EMSY: variants seen among roughly 807,000 people sequenced by gnomAD.
EMSY encodes EMSY transcriptional repressor, BRCA2 interacting.
In EMSY, 26 loss-of-function variants were observed where a neutral mutation model predicts 134.6. The ratio of observed to expected loss-of-function variants is 0.19; its 90% confidence interval spans 0.14 to 0.27. EMSY has a LOEUF of 0.27. EMSY is among the 10% of genes least tolerant of loss of function. The pLI is 1.00. For synonymous variants in EMSY, 579 were observed against 577.8 expected (o/e 1.00, Z -0.03); for missense variants, 1,305 against 1,611.4 (o/e 0.81, Z 3.26).
At chr11:76,508,749 A>C (rs1016124974) in intron 9 of EMSY, among the ~76,000 whole-genome samples, 4 of 152,256 alleles carry the variant, frequency 2.6e-5, no homozygotes, top group Non-Finnish European at 4.4e-5. Context: ...CTTCTCCGTC[A>C]GCACTTGCTG....
intron 14 of EMSY, among the ~76,000 whole-genome samples, chr11:76,532,810 C>T (rs370432496): frequency 1.3e-5 from 2 of 152,150 alleles, no homozygotes; most frequent in African/African-American, 4.8e-5. Context: ...TAAGTCATAA[C>T]TCAGTTTCTA....
intron 20 of EMSY, among the ~76,000 whole-genome samples, chr11:76,547,570 T>C (rs1178202795): frequency 6.6e-6 from 1 of 152,192 alleles, no homozygotes; most frequent in Non-Finnish European, 1.5e-5. Flanking sequence ...TTCTCATCAG[T>C]AAAATGGGAA....
chr11:76,472,830 A>T, exon 8 of EMSY: 1 of 1,613,862 alleles, frequency 6.2e-7, no homozygotes, highest in Non-Finnish European at 8.5e-7. Context: ...TCATGTCAAC[A>T]GTAGCACAAG....
At chr11:76,529,622 A>G (rs1369676037) in intron 14 of EMSY, among the ~76,000 whole-genome samples, 1 of 152,110 alleles carries the variant, frequency 6.6e-6, no homozygotes, top group Non-Finnish European at 1.5e-5. Flanking sequence ...TATTAGTAGC[A>G]AACAAAAAAA....
intron 11 of EMSY, among the ~76,000 whole-genome samples, chr11:76,520,843 T>C (rs1950615678): frequency 6.6e-6 from 1 of 152,126 alleles, no homozygotes; most frequent in Admixed American, 6.5e-5. Flanking sequence ...CAGTGGAAAA[T>C]AATAAAATTG....
intron 9 of EMSY, among the ~76,000 whole-genome samples, chr11:76,499,275 CTTTTTTTTTTTTT>C (rs777778051): frequency 6.6e-4 from 46 of 69,978 alleles, no homozygotes; most frequent in Admixed American, 2.9e-3. Flanking sequence ...AATCTTATAA[CTTTTTTTTTTTTT>C]TTTTTTTTTT....
chr11:76,539,462 A>G, intron 16 of EMSY, 137 bp from the exon 18 acceptor site: 2 of 795,686 alleles, frequency 2.5e-6, no homozygotes, highest in Non-Finnish European at 4.1e-6. Flanking sequence ...ATCTTTCTTT[A>G]GAGATATTTA....
At position 76,530,604 on chromosome 11, in the gene EMSY, G is replaced by A. The variant is rs1295639898; in HGVS notation, c.2194+2138G>A. Among the ~76,000 whole-genome samples, 25 of 152,120 alleles carry A rather than the reference G, an allele frequency of 1.6e-4. 1 individual carries two copies. The highest frequency in any genetic ancestry group is 1.6e-3 in the Admixed American group (25 of 15,270). The stretch of plus-strand genomic sequence containing the variant: ...GCACCAACCTAATACATCTTTCATT[G>A]TATATTACTTTTTAAAATATTCTAT... On this transcript the variant is annotated intron_variant, in intron 14 of 20. Transcript: ENST00000334736.
chr11:76,455,064 A>G (rs1465793309), intron 4 of EMSY, among the ~76,000 whole-genome samples: 1 of 152,076 alleles, frequency 6.6e-6, no homozygotes, highest in Non-Finnish European at 1.5e-5. Flanking sequence ...GGTTTGGTGG[A>G]AGAATTTACA....
chr11:76,466,365 G>A (rs1220664990), intron 7 of EMSY, among the ~76,000 whole-genome samples: 1 of 151,984 alleles, frequency 6.6e-6, no homozygotes, highest in Non-Finnish European at 1.5e-5. Context: ...TACTGCCTTA[G>A]GTTTTTACAC....
chr11:76,516,390 T>C, intron 11 of EMSY, 78 bp downstream of exon 12: 2 of 1,074,748 alleles, frequency 1.9e-6, no homozygotes, highest in Non-Finnish European at 2.6e-6. Context: ...CATTGAAGGA[T>C]TATATTTGAT....
intron 9 of EMSY, among the ~76,000 whole-genome samples, chr11:76,509,121 C>T (rs1398402101): frequency 6.6e-6 from 1 of 151,976 alleles, no homozygotes. Context: ...TAAAAAAAAA[C>T]TTTGAATTAT....
At chr11:76,470,909 T>C (rs1014975816) in intron 7 of EMSY, among the ~76,000 whole-genome samples, 1 of 152,106 alleles carries the variant, frequency 6.6e-6, no homozygotes, top group Non-Finnish European at 1.5e-5. Context: ...TTCATACTAT[T>C]CTCTCTGTCT....
At chr11:76,489,658 A>G (rs1429641645) in intron 8 of EMSY, among the ~76,000 whole-genome samples, 1 of 147,680 alleles carries the variant, frequency 6.8e-6, no homozygotes, top group East Asian at 2.0e-4. Flanking sequence ...AGGCTGGAGT[A>G]CAGTGGCGTG....
chr11:76,545,708 T>A, intron 19 of EMSY, 89 bp from the exon 21 acceptor site: 1 of 1,427,642 alleles, frequency 7.0e-7, no homozygotes, highest in Non-Finnish European at 9.5e-7. Flanking sequence ...AGCGCACGAA[T>A]GTTTCTTTTG....
Position 76,452,015 on chromosome 11 carries a change from A to C in EMSY, c.170+58A>C, listed in dbSNP as rs1198515846. The C allele has an allele frequency of 3.7e-6, 4 of 1,093,806 alleles. No individual in the cohort carries two copies. In the African/African-American group the frequency reaches 6.5e-5, roughly 18 times the overall value. The allele number at this position is 1,093,806 out of a possible 1,614,324, so 67.8% of individuals were successfully genotyped here. A position where few individuals can be genotyped will look rare whatever the true frequency, so the allele number is the denominator to read the frequency against. ...AAATTTCATTTTGGGGGATTTTATT[A>C]CTTATCACTCTCAAATTAAGTAACT... is the stretch of plus-strand genomic sequence containing the variant. On this transcript the variant is annotated intron_variant, in intron 3 of 20. Coordinates refer to ENST00000334736, the Ensembl canonical transcript of EMSY.
At chr11:76,518,703 AT>A (rs67729914) in intron 11 of EMSY, among the ~76,000 whole-genome samples, 5,253 of 130,136 alleles carry the variant, frequency 0.04, 202 homozygotes, top group East Asian at 0.09. Context: ...ATATATATAT[AT>A]TTTTTTTTTA....
chr11:76,460,384 G>T, intron 6 of EMSY: 1 of 228,280 alleles, frequency 4.4e-6, no homozygotes, highest in Non-Finnish European at 8.6e-6. Context: ...ATTGTGAATA[G>T]AAACTGAAGG....
At chr11:76,460,727 C>T (rs184180324) in intron 6 of EMSY, 1 of 151,886 alleles carries the variant, frequency 6.6e-6, no homozygotes, top group Admixed American at 6.6e-5. Flanking sequence ...CGCGTGTAAT[C>T]CTAGCACTTT....
Sources: allele counts gnomAD v4.1 joint callset (sites outside exome capture counted in the v4.1 genomes callset), GRCh38; gene constraint gnomAD v4.1.1; transcripts MANE v1.5; gene names NCBI Gene and HGNC (gene_info 2026-07-23, HGNC 2026-07-21).